The following MTFR1 variants were observed in gnomAD, a reference collection of about 807,000 sequenced individuals.
MTFR1 encodes the protein mitochondrial fission regulator 1.
Under a neutral mutation model 38.8 loss-of-function variants are expected in MTFR1, and 28 were observed. The observed-to-expected ratio is 0.72, with a 90% confidence interval of 0.53 to 0.99. The LOEUF is 0.99. MTFR1 is among the 50% of genes least tolerant of loss of function. The pLI is 0.00. For missense variants in MTFR1, 358 were observed against 395.5 expected (o/e 0.91, Z 0.81); for synonymous variants, 145 against 137.0 (o/e 1.06, Z -0.41).
chr8:65,720,291 A>T (rs1263641415), intron 3 of MTFR1: 2 of 153,896 alleles, frequency 1.3e-5, no homozygotes, highest in African/African-American at 4.8e-5. Flanking sequence ...TATCAATCAA[A>T]TCATATTATA....
intron 1 of MTFR1, among the ~76,000 whole-genome samples, chr8:65,651,844 A>G (rs541846191): frequency 7.2e-5 from 11 of 152,102 alleles, no homozygotes; most frequent in Non-Finnish European, 1.2e-4. Flanking sequence ...TTTGATAGAC[A>G]TTTTGATAGA....
chr8:65,672,928 C>T (rs1042143012), intron 2 of MTFR1, among the ~76,000 whole-genome samples: 1 of 152,184 alleles, frequency 6.6e-6, no homozygotes, highest in African/African-American at 2.4e-5. Context: ...TTTATTTTCT[C>T]TATGTCAGAA....
chr8:65,650,432 A>C (rs969959728), intron 1 of MTFR1, among the ~76,000 whole-genome samples: 1 of 152,060 alleles, frequency 6.6e-6, no homozygotes, highest in Admixed American at 6.6e-5. Flanking sequence ...TTGGCCTCCC[A>C]AAGTGCTGGG....
At chr8:65,751,504 C>T (rs917974864) in intron 3 of MTFR1, among the ~76,000 whole-genome samples, 2 of 150,926 alleles carry the variant, frequency 1.3e-5, no homozygotes, top group Non-Finnish European at 3.0e-5. Flanking sequence ...CGAGTTTCAT[C>T]TCTTGTTGCC....
intron 1 of MTFR1, among the ~76,000 whole-genome samples, chr8:65,652,108 A>G (rs1585740140): frequency 6.6e-6 from 1 of 150,536 alleles, no homozygotes; most frequent in Non-Finnish European, 1.5e-5. Flanking sequence ...TGCCTGGCTA[A>G]TTTTTTTTTG....
chr8:65,730,182 T>C (rs1447552551), intron 3 of MTFR1, among the ~76,000 whole-genome samples: 4 of 133,286 alleles, frequency 3.0e-5, no homozygotes, highest in African/African-American at 5.7e-5. Flanking sequence ...TTTTTTTTTT[T>C]TTTTTTTTTT....
chr8:65,708,381 T>C (rs1238925507), intron 7 of MTFR1: 2 of 339,502 alleles, frequency 5.9e-6, no homozygotes, highest in African/African-American at 4.3e-5. Context: ...AAATTCAGTA[T>C]AGTAACAATG....
At chr8:65,672,276 T>C (rs1248267866) in intron 2 of MTFR1, among the ~76,000 whole-genome samples, 25 of 152,244 alleles carry the variant, frequency 1.6e-4, no homozygotes, top group Admixed American at 1.6e-3. Context: ...CAATGTGATC[T>C]TTTGGGGTTA....
At chr8:65,768,478 T>G (rs1394974969) in intron 3 of MTFR1, among the ~76,000 whole-genome samples, 2 of 152,218 alleles carry the variant, frequency 1.3e-5, no homozygotes, top group African/African-American at 4.8e-5. Flanking sequence ...CCTTGTCTGC[T>G]GCCATGTGAG....
At chr8:65,653,795 T>C (rs1034966469) in intron 1 of MTFR1, among the ~76,000 whole-genome samples, 2 of 152,154 alleles carry the variant, frequency 1.3e-5, no homozygotes, top group Non-Finnish European at 2.9e-5. Context: ...CTGGGTATGG[T>C]GGCTCATGCC....
At chr8:65,726,765 G>T in intron 3 of MTFR1, 2 of 595,552 alleles carry the variant, frequency 3.4e-6, no homozygotes, top group Non-Finnish European at 6.1e-6. Context: ...GACAAACACT[G>T]AAAACTGTGG....
At chr8:65,743,378 GAGA>G (rs979712514) in intron 3 of MTFR1, among the ~76,000 whole-genome samples, 62 of 152,284 alleles carry the variant, frequency 4.1e-4, no homozygotes, top group South Asian at 4.1e-4. Flanking sequence ...TGGGGGCAGG[GAGA>G]AGAACAGAAC....
downstream of MTFR1, among the ~76,000 whole-genome samples, chr8:65,774,208 T>G (rs1585907072): frequency 1.3e-5 from 2 of 152,344 alleles, no homozygotes; most frequent in East Asian, 3.8e-4. Flanking sequence ...TTGCTTCCTT[T>G]TCTAAAACAA....
intron 3 of MTFR1, among the ~76,000 whole-genome samples, chr8:65,737,120 T>A (rs1484986541): frequency 5.3e-5 from 8 of 152,072 alleles, no homozygotes; most frequent in East Asian, 3.9e-4. Context: ...ACAAACAAAC[T>A]AACTAAAAAC....
intron 3 of MTFR1, among the ~76,000 whole-genome samples, chr8:65,733,150 T>C (rs2128896489): frequency 6.6e-6 from 1 of 152,296 alleles, no homozygotes; most frequent in East Asian, 1.9e-4. Context: ...TGAAAAGTGT[T>C]TAAGTATTAT....
chr8:65,659,095 A>G (rs1220730735), intron 1 of MTFR1, among the ~76,000 whole-genome samples: 1 of 152,136 alleles, frequency 6.6e-6, no homozygotes, highest in African/African-American at 2.4e-5. Flanking sequence ...ACCAGAGAGC[A>G]CTGTGAAGAA....
chr8:65,699,314 T>G (rs1465733829), intron 4 of MTFR1, among the ~76,000 whole-genome samples: 1 of 152,232 alleles, frequency 6.6e-6, no homozygotes, highest in Non-Finnish European at 1.5e-5. Context: ...TGTGCTTGTG[T>G]CCTTTTGGTT....
downstream of MTFR1, among the ~76,000 whole-genome samples, chr8:65,773,272 C>T (rs1477503236): frequency 6.6e-6 from 1 of 152,022 alleles, no homozygotes; most frequent in African/African-American, 2.4e-5. Flanking sequence ...GCATTTTTCT[C>T]TATTAAAAAA....
chr8:65,726,182 TG>T (rs1239336112), intron 3 of MTFR1, among the ~76,000 whole-genome samples: 1 of 152,226 alleles, frequency 6.6e-6, no homozygotes, highest in Non-Finnish European at 1.5e-5. Context: ...CATGGTTTGC[TG>T]ACGTGCATTT....
Sources: allele counts gnomAD v4.1 joint callset (sites outside exome capture counted in the v4.1 genomes callset), GRCh38; gene constraint gnomAD v4.1.1; transcripts MANE v1.5; gene names NCBI Gene and HGNC (gene_info 2026-07-23, HGNC 2026-07-21).